OSCP1: variants seen among roughly 807,000 people sequenced by gnomAD.
OSCP1 encodes the protein protein OSCP1.
OSCP1 carries 35 observed loss-of-function variants against 45.1 expected under a neutral mutation model. That is an observed-to-expected ratio of 0.78 (90% CI 0.59 to 1.03). OSCP1 has a LOEUF of 1.03. OSCP1 is among the 50% of genes least tolerant of loss of function. The pLI, the probability that OSCP1 is intolerant of heterozygous loss-of-function variation, is 0.00. For missense variants in OSCP1, 400 were observed against 470.7 expected, an observed-to-expected ratio of 0.85 and a Z score of 1.39; for synonymous variants, 179 against 180.1, an observed-to-expected ratio of 0.99 and a Z score of 0.05.
chr1:36,424,240 T>C lies in OSCP1; in HGVS notation c.517-774A>G, dbSNP rs72919376. Reference sequence around the variant, plus strand: ...ACAGGCGTGAGCCACCGTGCTCGGCTACAAACAGAACTACTTTTGAGCAGC... The same window carrying C: ...ACAGGCGTGAGCCACCGTGCTCGGCCACAAACAGAACTACTTTTGAGCAGC... On this transcript the variant is annotated intron_variant, in intron 4 of 9. Coordinates refer to ENST00000235532, the MANE Select transcript of OSCP1 (RefSeq NM_145047.5). 8.3e-3 allele frequency among the ~76,000 whole-genome samples: 1,265 copies of C among 152,312 alleles called. 17 individuals are homozygous for C. The highest frequency in any genetic ancestry group is 0.028 in the African/African-American group (1,182 of 41,580).
Position 36,431,870 on chromosome 1 carries a change from G to T in OSCP1, c.448C>A (p.Leu150Ile). The T allele has an allele frequency of 6.2e-7, 1 of 1,613,220 alleles. No individual in the cohort carries two copies. Among genetic ancestry groups the T allele is most frequent in the South Asian group, 1.1e-5 (1 of 91,064 alleles). The stretch of plus-strand genomic sequence containing the variant: ...ATCAGCTGGAACTCCCCTGCAGAGA[G>T]ACCACCATATATCTGCCAAAGGCAA... ...LRQLTEIYGGLSAGEFQLIRQ... is the reference protein window; with the variant it reads ...LRQLTEIYGGISAGEFQLIRQ... The change falls in exon 4 of 10, where the codon CTC becomes ATC. Residue 150 changes from leucine (L) to isoleucine (I), a missense_variant. By Grantham distance (5) the Leu-to-Ile change is conservative (BLOSUM62 2). Transcript: ENST00000235532.
At chr1:36,436,451 G>A (rs1308338787) in intron 2 of OSCP1, among the ~76,000 whole-genome samples, 2 of 152,022 alleles carry the variant, frequency 1.3e-5, no homozygotes, top group Non-Finnish European at 2.9e-5. Context: ...ATGTTGCCAA[G>A]GCTGGTCTTG....
At chr1:36,434,893 G>A (rs751366223) in intron 2 of OSCP1, among the ~76,000 whole-genome samples, 4 of 151,776 alleles carry the variant, frequency 2.6e-5, no homozygotes, top group Non-Finnish European at 5.9e-5. Flanking sequence ...TTAAGTGCTC[G>A]TATATAGGAA....
chr1:36,437,623 A>T (rs902068510), intron 2 of OSCP1, among the ~76,000 whole-genome samples: 10 of 152,088 alleles, frequency 6.6e-5, no homozygotes, highest in Non-Finnish European at 1.0e-4. Context: ...GGTTCAAGTG[A>T]TTCTCCTGCC....
chr1:36,423,562 A>C (rs1472988874), intron 4 of OSCP1, 96 bp from the exon 5 acceptor site: 2 of 950,192 alleles, frequency 2.1e-6, no homozygotes, highest in Non-Finnish European at 3.2e-6. Context: ...TGGGAACATG[A>C]CCTATGAGTT....
At chr1:36,433,054 G>A (rs1233940388) in intron 2 of OSCP1, among the ~76,000 whole-genome samples, 1 of 152,248 alleles carries the variant, frequency 6.6e-6, no homozygotes, top group Admixed American at 6.5e-5. Context: ...CAGAGGTGCT[G>A]AGAGCAATAA....
rs969306684 is a variant in OSCP1, at chr1:36,418,072, G to C, written c.*67C>G. On this transcript the variant is annotated 3_prime_UTR_variant, in exon 10 of 10. Transcript: ENST00000235532. ...ACTAGCAGCATCATTCTGGGCCATG[G>C]GGCATTCCCCAGGGGTCACCATCCA... 117 of 1,299,206 alleles carry C rather than the reference G, an allele frequency of 9.0e-5. 1 individual carries two copies. In the Middle Eastern group the frequency reaches 9.3e-4, roughly 10 times the overall value. 80.5% of individuals were successfully genotyped at this position (1,299,206 alleles called of 1,614,324 possible).
intron 2 of OSCP1, among the ~76,000 whole-genome samples, chr1:36,433,139 T>A (rs1648486107): frequency 6.6e-6 from 1 of 152,238 alleles, no homozygotes; most frequent in Non-Finnish European, 1.5e-5. Flanking sequence ...TGATGAACTA[T>A]GTGGATATCA....
chr1:36,423,486 T>C lies in OSCP1; in HGVS notation c.517-20A>G. On this transcript the variant is annotated intron_variant, in intron 4 of 9. Transcript: ENST00000235532. The stretch of plus-strand genomic sequence containing the variant: ...GGATACCTGGAAAAAAATACATTTA[T>C]TGTCATTTTTCTTGGTATATTTTCA... 1 of 1,558,048 alleles carries C rather than the reference T, an allele frequency of 6.4e-7. No individual in the cohort carries two copies. The highest frequency in any genetic ancestry group is 8.8e-7 in the Non-Finnish European group (1 of 1,134,130).
At chr1:36,441,265 A>G (rs1649129092) in intron 1 of OSCP1, among the ~76,000 whole-genome samples, 1 of 152,146 alleles carries the variant, frequency 6.6e-6, no homozygotes, top group South Asian at 2.1e-4. Context: ...TTTGGAAATA[A>G]GATGGAGGCA....
chr1:36,430,277 G>A (rs1253463888), intron 4 of OSCP1, among the ~76,000 whole-genome samples: 1 of 152,158 alleles, frequency 6.6e-6, no homozygotes, highest in African/African-American at 2.4e-5. Context: ...CTGGGCTCAA[G>A]TGATCCGTCC....
rs758642416 is a variant in OSCP1 at position 36,450,240 on chromosome 1, G to A, written c.112+18C>T. On this transcript the variant is annotated intron_variant, in intron 1 of 9. Transcript: ENST00000235532. ...CTGCTGGCTGCGGGTCTGGCTGAGC[G>A]GGCCGGGGGCCTCTCACCTTTGCGG... 1.2e-6 allele frequency: 2 copies of A among 1,602,050 alleles called. No homozygotes were observed. Among genetic ancestry groups the A allele is most frequent in the East Asian group, 2.2e-5 (1 of 44,602 alleles).
chr1:36,449,743 A>C (rs977237477), intron 1 of OSCP1, among the ~76,000 whole-genome samples: 2 of 146,268 alleles, frequency 1.4e-5, no homozygotes, highest in African/African-American at 5.0e-5. Flanking sequence ...AGGCTGAGGC[A>C]CGAGAATCGC....
At chr1:36,449,404 G>A (rs1649738416) in intron 1 of OSCP1, among the ~76,000 whole-genome samples, 1 of 148,244 alleles carries the variant, frequency 6.7e-6, no homozygotes, top group African/African-American at 2.5e-5. Flanking sequence ...TCCAACACTT[G>A]TGAGGAGATT....
chr1:36,432,976 GT>G (rs1387248092), intron 2 of OSCP1, among the ~76,000 whole-genome samples: 4 of 152,200 alleles, frequency 2.6e-5, no homozygotes, highest in African/African-American at 9.6e-5. Flanking sequence ...CCTTGGCCAA[GT>G]TTCTTAACCT....
intron 3 of OSCP1, among the ~76,000 whole-genome samples, chr1:36,432,169 G>A (rs1003954573): frequency 4.6e-5 from 7 of 152,154 alleles, no homozygotes; most frequent in Non-Finnish European, 7.4e-5. Flanking sequence ...GTCCCTTTCC[G>A]AAAAGTGAGG....
At chr1:36,436,853 C>T (rs951301682) in intron 2 of OSCP1, among the ~76,000 whole-genome samples, 1 of 152,150 alleles carries the variant, frequency 6.6e-6, no homozygotes, top group Non-Finnish European at 1.5e-5. Flanking sequence ...CTCTGACTCT[C>T]CTTGACTTTG....
Position 36,450,282 on chromosome 1 carries a change from T to C in OSCP1, c.88A>G (p.Ile30Val). Reference sequence around the variant, plus strand: ...CCTTTGCGGGCCTTGTCTCCCGGGATGTTCTGGGCCCGCAGCCGTTGGTCG... The same window carrying C: ...CCTTTGCGGGCCTTGTCTCCCGGGACGTTCTGGGCCCGCAGCCGTTGGTCG... ...ILDQRLRAQN[I>V]PGDKARKVLN... Residue 30 changes from isoleucine to valine, a missense_variant, in exon 1 of 10, where the codon ATC (isoleucine) becomes GTC (valine). Ile to Val is a conservative substitution (Grantham distance 29, BLOSUM62 3). Transcript: ENST00000235532. 1 of 1,613,446 alleles carries C rather than the reference T, an allele frequency of 6.2e-7. No homozygotes were observed.
At chr1:36,445,901 C>T (rs995209253) in intron 1 of OSCP1, among the ~76,000 whole-genome samples, 5 of 151,180 alleles carry the variant, frequency 3.3e-5, no homozygotes, top group African/African-American at 4.9e-5. Flanking sequence ...TTAGTAGAGA[C>T]GGGGTTTCTC....
Sources: allele counts gnomAD v4.1 joint callset (sites outside exome capture counted in the v4.1 genomes callset), GRCh38; gene constraint gnomAD v4.1.1; transcripts MANE v1.5; gene names NCBI Gene and HGNC (gene_info 2026-07-23, HGNC 2026-07-21).